Variants in UBE2K observed in about 807,000 individuals in gnomAD.
The protein encoded by UBE2K is ubiquitin-conjugating enzyme E2 K.
A neutral mutation model predicts 30.0 loss-of-function variants in UBE2K; 6 were observed. The ratio of observed to expected loss-of-function variants is 0.20; its 90% CI spans 0.11 to 0.39. The LOEUF (loss-of-function observed/expected upper bound fraction) is 0.39, where lower values mean the gene tolerates loss of function less well. Among genes scored for constraint, UBE2K ranks in the 10% least tolerant of loss-of-function variants. The pLI is 1.00. For synonymous variants in UBE2K, 86 were observed against 83.7 expected (o/e 1.03, Z -0.15); for missense variants, 61 against 241.6 (o/e 0.25, Z 4.96).
At chr4:39,735,228 G>T (rs1720312754) in intron 1 of UBE2K, among the ~76,000 whole-genome samples, 1 of 152,058 alleles carries the variant, frequency 6.6e-6, no homozygotes, top group Admixed American at 6.6e-5. Context: ...TATTTATTTT[G>T]AGATGGAGTC....
At chr4:39,717,589 A>G (rs1011214997) in intron 1 of UBE2K, among the ~76,000 whole-genome samples, 1 of 152,232 alleles carries the variant, frequency 6.6e-6, no homozygotes, top group African/African-American at 2.4e-5. Context: ...TTTTAAAAAT[A>G]CAATGTTACA....
intron 4 of UBE2K, among the ~76,000 whole-genome samples, chr4:39,768,770 CCTTTCCTTTA>C (rs1409525837): frequency 7.2e-5 from 11 of 152,270 alleles, no homozygotes; most frequent in Non-Finnish European, 1.5e-4. Context: ...GCGAGGGTTT[CCTTTCCTTTA>C]CATCATCACC....
rs1466817559 is a variant in UBE2K, at chr4:39,778,822, C to A, written c.*388C>A. 6.4e-6 allele frequency: 1 copy of A among 156,704 alleles called. No individual in the cohort carries two copies. The highest frequency in any genetic ancestry group is 2.4e-5 in the African/African-American group (1 of 41,492). 9.7% of individuals were successfully genotyped at this position (156,704 alleles called of 1,614,324 possible). Reference sequence around the variant, plus strand: ...AGGGCCATTCAAATTGTTGGTGTTGCATCACAGCTACCTTAACTGTTTTTA... The same window carrying A: ...AGGGCCATTCAAATTGTTGGTGTTGAATCACAGCTACCTTAACTGTTTTTA... On this transcript the variant is annotated 3_prime_UTR_variant, in exon 7 of 7. Coordinates refer to ENST00000261427, the MANE Select transcript of UBE2K (RefSeq NM_005339.5).
intron 4 of UBE2K, chr4:39,770,093 G>A: frequency 6.4e-7 from 1 of 1,561,760 alleles, no homozygotes; most frequent in Non-Finnish European, 8.7e-7. Context: ...AGCGGATGAG[G>A]ACATTAATCT....
At chr4:39,720,573 A>G (rs1719364632) in intron 1 of UBE2K, among the ~76,000 whole-genome samples, 1 of 152,190 alleles carries the variant, frequency 6.6e-6, no homozygotes, top group Non-Finnish European at 1.5e-5. Context: ...AAGGGGACCT[A>G]TGGAAGTTGG....
Position 39,714,810 on chromosome 4 carries a change from A to G in UBE2K, c.63+16420A>G, listed in dbSNP as rs544501895. On this transcript the variant is annotated intron_variant, in intron 1 of 6. Transcript: ENST00000261427. ...GTGATGTGCCCACCTTGGCCTCCCTAAGTGCTGGGATTACAGGCGTAAGCC... is the reference window on the plus strand; with the variant it reads ...GTGATGTGCCCACCTTGGCCTCCCTGAGTGCTGGGATTACAGGCGTAAGCC... 4.0e-5 allele frequency among the ~76,000 whole-genome samples: 6 copies of G among 151,058 alleles called. No individual in the cohort carries two copies. In the East Asian group the frequency reaches 7.9e-4, roughly 20 times the overall value.
At chr4:39,757,151 G>C (rs1407349543) in intron 4 of UBE2K, among the ~76,000 whole-genome samples, 1 of 151,502 alleles carries the variant, frequency 6.6e-6, no homozygotes, top group Non-Finnish European at 1.5e-5. Flanking sequence ...TTAGCCTCCC[G>C]AGTAGCTGGG....
At chr4:39,757,566 C>A (rs779382826) in intron 4 of UBE2K, among the ~76,000 whole-genome samples, 20 of 151,926 alleles carry the variant, frequency 1.3e-4, no homozygotes, top group Non-Finnish European at 2.9e-4. Context: ...TCAATATATT[C>A]TATATTCCAT....
rs60471860 is a variant in UBE2K, at chr4:39,769,213, G to GT, written c.300-5606dup. 3.4e-3 allele frequency among the ~76,000 whole-genome samples: 439 copies of GT among 128,682 alleles called. 1 individual carries two copies. The highest frequency in any genetic ancestry group is 0.012 in the Middle Eastern group (3 of 256). The allele number at this position is 128,682 out of a possible 152,430, so 84.4% of individuals were successfully genotyped here. Reference sequence around the variant, plus strand: ...TAAAACAACCCTGGAGTTTCTTTTTGTTTTTTTTTTTTTTTCGTTTTGTTT... The same window carrying GT: ...TAAAACAACCCTGGAGTTTCTTTTTGTTTTTTTTTTTTTTTTCGTTTTGTTT... On this transcript the variant is annotated intron_variant, in intron 4 of 6. Coordinates refer to ENST00000261427, the MANE Select transcript of UBE2K (RefSeq NM_005339.5).
chr4:39,755,072 T>C (rs906323361), intron 3 of UBE2K, among the ~76,000 whole-genome samples: 1 of 152,222 alleles, frequency 6.6e-6, no homozygotes, highest in African/African-American at 2.4e-5. Context: ...GGAGTTTACA[T>C]TGTGCTCTGT....
chr4:39,718,476 C>T (rs1719230666), intron 1 of UBE2K, among the ~76,000 whole-genome samples: 1 of 152,246 alleles, frequency 6.6e-6, no homozygotes, highest in Non-Finnish European at 1.5e-5. Flanking sequence ...ACCGGGGCCA[C>T]AGGTGGAGCT....
At chr4:39,735,453 T>C (rs1720326246) in intron 1 of UBE2K, among the ~76,000 whole-genome samples, 1 of 152,234 alleles carries the variant, frequency 6.6e-6, no homozygotes, top group Non-Finnish European at 1.5e-5. Context: ...TGATCTCGGC[T>C]CACTGCAAGC....
intron 1 of UBE2K, among the ~76,000 whole-genome samples, chr4:39,733,576 A>C (rs1459166300): frequency 2.0e-5 from 3 of 151,450 alleles, no homozygotes; most frequent in Non-Finnish European, 4.4e-5. Context: ...CAAATGATCC[A>C]CCCGCCTTGG....
intron 1 of UBE2K, among the ~76,000 whole-genome samples, chr4:39,720,063 T>C (rs891200374): frequency 1.3e-5 from 2 of 152,230 alleles, no homozygotes; most frequent in Admixed American, 6.5e-5. Flanking sequence ...CTTAGCACCA[T>C]TGCCTGCTAA....
intron 1 of UBE2K, among the ~76,000 whole-genome samples, chr4:39,733,016 A>G (rs1055633645): frequency 1.4e-5 from 2 of 140,878 alleles, no homozygotes; most frequent in Non-Finnish European, 3.0e-5. Flanking sequence ...CCTTTTGTGC[A>G]TTAGAAATGC....
At chr4:39,766,990 A>T (rs562568322) in intron 4 of UBE2K, among the ~76,000 whole-genome samples, 1 of 152,096 alleles carries the variant, frequency 6.6e-6, no homozygotes, top group Non-Finnish European at 1.5e-5. Flanking sequence ...ACCTCAGGTG[A>T]TCCACCTGCC....
intron 3 of UBE2K, among the ~76,000 whole-genome samples, chr4:39,752,401 A>G (rs191901521): frequency 3.0e-5 from 4 of 134,604 alleles, no homozygotes; most frequent in African/African-American, 5.8e-5. Context: ...CAGTGGCACA[A>G]TCTCGGCTCA....
chr4:39,734,517 G>A (rs184719308), intron 1 of UBE2K, among the ~76,000 whole-genome samples: 119 of 152,124 alleles, frequency 7.8e-4, no homozygotes, highest in Middle Eastern at 3.4e-3. Flanking sequence ...TAATTTGGGG[G>A]CTGGATGCGG....
intron 2 of UBE2K, among the ~76,000 whole-genome samples, chr4:39,741,506 A>G (rs533722318): frequency 2.0e-5 from 3 of 152,182 alleles, no homozygotes; most frequent in Non-Finnish European, 4.4e-5. Flanking sequence ...AGGATGTTGC[A>G]GTTTTTTGAG....
Sources: gnomAD v4.1 joint callset for allele counts (sites outside exome capture counted in the v4.1 genomes callset) on GRCh38, gnomAD v4.1.1 for gene constraint, MANE v1.5 for transcripts, NCBI Gene and HGNC (gene_info 2026-07-23, HGNC 2026-07-21) for gene names.